Variants in TYW1 observed in about 807,000 individuals in gnomAD.
The protein encoded by TYW1 is tRNA-yW synthesizing protein 1 homolog, also known as S-adenosyl-L-methionine-dependent tRNA 4-demethylwyosine synthase TYW1.
A neutral mutation model predicts 96.2 loss-of-function variants in TYW1; 46 were observed. That is an observed-to-expected ratio of 0.48 (90% CI 0.38 to 0.61). The LOEUF (loss-of-function observed/expected upper bound fraction) is 0.61, where lower values mean the gene tolerates loss of function less well. Ranked by LOEUF, TYW1 falls within the 20% of genes least tolerant of loss-of-function variation. The pLI, the probability that TYW1 is intolerant of heterozygous loss-of-function variation, is 0.00. For synonymous variants in TYW1, 274 were observed against 323.0 expected, an observed-to-expected ratio of 0.85 and a Z score of 1.63; for missense variants, 684 against 909.6, an observed-to-expected ratio of 0.75 and a Z score of 3.19.
intron 6 of TYW1, among the ~76,000 whole-genome samples, chr7:67,020,575 T>C (rs190794372): frequency 7.5e-4 from 114 of 152,358 alleles, no homozygotes; most frequent in Non-Finnish European, 1.3e-3. Context: ...CATGTTAACC[T>C]CCTGTTTAAA....
At chr7:67,077,593 G>T (rs976718418) in intron 10 of TYW1, among the ~76,000 whole-genome samples, 1 of 152,030 alleles carries the variant, frequency 6.6e-6, no homozygotes, top group Non-Finnish European at 1.5e-5. Flanking sequence ...TTATTTGTGG[G>T]TTTTTTTGCT....
At chr7:67,211,583 T>C (rs1801026605) in intron 15 of TYW1, among the ~76,000 whole-genome samples, 1 of 152,184 alleles carries the variant, frequency 6.6e-6, no homozygotes, top group Admixed American at 6.5e-5. Flanking sequence ...TATCCACATT[T>C]CTATATTTCT....
chr7:67,033,407 C>G (rs1006107947), intron 7 of TYW1, among the ~76,000 whole-genome samples: 1 of 152,178 alleles, frequency 6.6e-6, no homozygotes, highest in Non-Finnish European at 1.5e-5. Context: ...TGCTCACTTG[C>G]TAATGCAAGT....
intron 14 of TYW1, among the ~76,000 whole-genome samples, chr7:67,192,202 A>G (rs1426218279): frequency 1.3e-5 from 2 of 152,020 alleles, no homozygotes; most frequent in Non-Finnish European, 2.9e-5. Context: ...AGCCTCCTCA[A>G]AGGGTTTTGT....
intron 15 of TYW1, among the ~76,000 whole-genome samples, chr7:67,219,460 G>A (rs1214301811): frequency 1.3e-5 from 2 of 152,124 alleles, no homozygotes; most frequent in Admixed American, 6.6e-5. Flanking sequence ...AGAAAGATTG[G>A]TGTTAGTTCT....
chr7:67,021,665 C>T (rs796911567), intron 6 of TYW1, among the ~76,000 whole-genome samples: 84 of 150,802 alleles, frequency 5.6e-4, no homozygotes, highest in African/African-American at 1.9e-3. Context: ...GAATGTGTCG[C>T]ATTAATTTTC....
intron 12 of TYW1, among the ~76,000 whole-genome samples, chr7:67,112,285 T>TAA (rs1398684445): frequency 2.6e-5 from 4 of 152,022 alleles, no homozygotes; most frequent in Non-Finnish European, 5.9e-5. Flanking sequence ...CACACACATG[T>TAA]AATTAGTTCT....
chr7:67,061,761 A>T (rs959963964), intron 9 of TYW1, among the ~76,000 whole-genome samples: 1 of 152,236 alleles, frequency 6.6e-6, no homozygotes. Context: ...GAGGAATCCA[A>T]TAGGGAGGAA....
intron 11 of TYW1, among the ~76,000 whole-genome samples, chr7:67,094,965 G>C (rs534793195): frequency 4.0e-5 from 6 of 151,426 alleles, no homozygotes; most frequent in Admixed American, 2.6e-4. Context: ...GATTGCTGGT[G>C]GGGGGGTACT....
At chr7:67,137,408 G>T (rs932836782) in intron 13 of TYW1, among the ~76,000 whole-genome samples, 9 of 151,876 alleles carry the variant, frequency 5.9e-5, no homozygotes, top group Non-Finnish European at 1.3e-4. Context: ...TTGAGCCCAG[G>T]AGTTTGAGAC....
chr7:67,078,209 C>T (rs1796264553), intron 10 of TYW1, among the ~76,000 whole-genome samples: 1 of 152,038 alleles, frequency 6.6e-6, no homozygotes, highest in Admixed American at 6.6e-5. Context: ...GATTCTCCTG[C>T]CTCAGCCTCC....
At position 67,036,969 on chromosome 7, in the gene TYW1, A is replaced by G. The variant is rs573527034; in HGVS notation, c.984+11947A>G. On this transcript the variant is annotated intron_variant, in intron 7 of 15. Coordinates refer to ENST00000359626, the MANE Select transcript of TYW1 (RefSeq NM_018264.4). ...GGGCCCATCCTGGGAGGGCTGCCAG[A>G]CCCAGTGGGGCAGACCAGCAGCTGG... Among the ~76,000 whole-genome samples the G allele has an allele frequency of 2.3e-3, 352 of 151,900 alleles. 2 individuals are homozygous for G. The highest frequency in any genetic ancestry group is 7.8e-3 in the African/African-American group (321 of 41,404).
At chr7:67,238,176 T>A in intron 15 of TYW1, 132 bp from the exon 16 acceptor site, 1 of 1,337,618 alleles carries the variant, frequency 7.5e-7, no homozygotes, top group South Asian at 1.5e-5. Context: ...GGTTTTTTTG[T>A]GTTTGTTTTT....
chr7:67,049,615 C>A (rs112508629), intron 7 of TYW1, among the ~76,000 whole-genome samples: 109 of 151,376 alleles, frequency 7.2e-4, no homozygotes, highest in Non-Finnish European at 5.8e-4. Context: ...GGTGTGATCT[C>A]GGCTCACTGC....
intron 10 of TYW1, among the ~76,000 whole-genome samples, chr7:67,077,006 T>C (rs1456550594): frequency 6.6e-6 from 1 of 152,068 alleles, no homozygotes; most frequent in African/African-American, 2.4e-5. Context: ...ACTCCTGACC[T>C]CAAGTGATCC....
intron 13 of TYW1, among the ~76,000 whole-genome samples, chr7:67,155,652 A>G (rs904410869): frequency 2.0e-5 from 3 of 151,870 alleles, no homozygotes; most frequent in Non-Finnish European, 2.9e-5. Context: ...TCCACCTCCC[A>G]GGTTCAAGTG....
At chr7:67,226,270 G>A (rs1801557627) in intron 15 of TYW1, among the ~76,000 whole-genome samples, 2 of 152,050 alleles carry the variant, frequency 1.3e-5, no homozygotes, top group African/African-American at 2.4e-5. Context: ...TTCTTGCTAG[G>A]GACCCGATGG....
chr7:67,027,929 C>CAAA (rs5884602), intron 7 of TYW1, among the ~76,000 whole-genome samples: 2 of 122,304 alleles, frequency 1.6e-5, no homozygotes. Flanking sequence ...GACTCCATCT[C>CAAA]AAAAAAAAAA....
chr7:67,001,223 CTG>C (rs1793377166), intron 3 of TYW1, among the ~76,000 whole-genome samples: 1 of 151,976 alleles, frequency 6.6e-6, no homozygotes, highest in South Asian at 2.1e-4. Flanking sequence ...GATGCTTATG[CTG>C]TGTTTCGAGA....
Sources: allele counts gnomAD v4.1 joint callset (sites outside exome capture counted in the v4.1 genomes callset), GRCh38; gene constraint gnomAD v4.1.1; transcripts MANE v1.5; gene names NCBI Gene and HGNC (gene_info 2026-07-23, HGNC 2026-07-21).